The following RNF19A variants were observed in gnomAD, a reference collection of about 807,000 sequenced individuals.
The protein encoded by RNF19A is E3 ubiquitin-protein ligase RNF19A.
Under a neutral mutation model 75.7 loss-of-function variants are expected in RNF19A, and 32 were observed. The observed-to-expected ratio is 0.42, with a 90% confidence interval of 0.32 to 0.57. The LOEUF (loss-of-function observed/expected upper bound fraction) is 0.57. RNF19A is among the 20% of genes least tolerant of loss of function. The pLI is 0.10. For missense variants in RNF19A, 782 were observed against 1,036.3 expected (o/e 0.75, Z 3.37); for synonymous variants, 335 against 345.2 (o/e 0.97, Z 0.33).
At chr8:100,301,470 TCA>T (rs1239088482) in intron 1 of RNF19A, among the ~76,000 whole-genome samples, 1 of 152,200 alleles carries the variant, frequency 6.6e-6, no homozygotes, top group Non-Finnish European at 1.5e-5. Context: ...CAGTGCAACC[TCA>T]GTTTCTCACT....
intron 1 of RNF19A, chr8:100,309,433 C>T (rs1002927809): frequency 2.0e-6 from 2 of 985,428 alleles, no homozygotes; most frequent in Non-Finnish European, 1.2e-6. Flanking sequence ...GAATGCGTTC[C>T]GCCCCCGCCG....
At chr8:100,310,013 G>A, upstream of RNF19A, 1 of 985,042 alleles carries the variant, frequency 1.0e-6, no homozygotes. Context: ...ACGACGGAGG[G>A]GAGGAGTCCC....
chr8:100,273,545 C>T (rs1427252652), intron 3 of RNF19A, among the ~76,000 whole-genome samples: 2 of 152,116 alleles, frequency 1.3e-5, no homozygotes, highest in Non-Finnish European at 2.9e-5. Flanking sequence ...ATGGTGACTA[C>T]GTTGAGGAAG....
At position 100,264,104 on chromosome 8, in the gene RNF19A, A is replaced by G; in HGVS notation, c.1398T>C (p.Asn466=). 6.2e-7 allele frequency: 1 copy of G among 1,613,844 alleles called. No homozygotes were observed. Among genetic ancestry groups the G allele is most frequent in the Non-Finnish European group, 8.5e-7 (1 of 1,179,822 alleles). The change falls in exon 7 of 10, where the codon AAT becomes AAC. Residue 466 remains asparagine, a synonymous_variant. Coordinates refer to ENST00000341084, the MANE Select transcript of RNF19A (RefSeq NM_183419.4). The surrounding 1 kb of genome is among the most constrained non-coding windows in gnomAD (Gnocchi z 4.7). The stretch of plus-strand genomic sequence containing the variant: ...CAAATTCAATCCTAACTCCTTTTCC[A>G]TTGCCTGCTGAGACTCCACAACCTC... ...RSGGCGVSAG[N]GKGVRIEFDD... is the part of the protein sequence containing the mutation.
At chr8:100,266,625 C>T (rs1319997653) in intron 5 of RNF19A, among the ~76,000 whole-genome samples, 2 of 152,172 alleles carry the variant, frequency 1.3e-5, no homozygotes, top group Non-Finnish European at 2.9e-5. Flanking sequence ...ATCCTCCCAT[C>T]CCAGCTTCCT....
intron 1 of RNF19A, chr8:100,309,451 G>A (rs1822201340): frequency 3.0e-6 from 3 of 985,348 alleles, no homozygotes; most frequent in Non-Finnish European, 3.6e-6. Context: ...CCGCCTCCCC[G>A]CGGCAACCGC....
intron 1 of RNF19A, among the ~76,000 whole-genome samples, chr8:100,319,528 CTTTT>C (rs774604135): frequency 8.2e-6 from 1 of 121,984 alleles, no homozygotes; most frequent in Admixed American, 8.5e-5. Context: ...ATCTGGTTCA[CTTTT>C]TTTTTTTTTT....
intron 1 of RNF19A, among the ~76,000 whole-genome samples, chr8:100,298,316 AC>A (rs1233607773): frequency 6.6e-6 from 1 of 152,162 alleles, no homozygotes; most frequent in East Asian, 1.9e-4. Context: ...ATTAAAGTAC[AC>A]GAATTTCTCA....
chr8:100,305,319 C>T (rs1209181182), intron 1 of RNF19A, among the ~76,000 whole-genome samples: 1 of 152,148 alleles, frequency 6.6e-6, no homozygotes, highest in Admixed American at 6.5e-5. Context: ...AACTCCAATT[C>T]GAAGGTGTAT....
In RNF19A at chr8:100,331,364, G is replaced by A. The variant is rs1822608010; in HGVS notation, c.-243+4744C>T. ...AGAAAAACAGATATAGGCCAGGTAT[G>A]GTGGCTCATGCCTGTAATCCCAGTA... On this transcript the variant is annotated intron_variant, in intron 1 of 3. Transcript: ENST00000519527. The surrounding 1 kb of genome is among the most constrained non-coding windows in gnomAD (Gnocchi z 5.2). Among the ~76,000 whole-genome samples, 1 of 152,162 alleles carries A rather than the reference G, an allele frequency of 6.6e-6. No individual in the cohort carries two copies. The highest frequency in any genetic ancestry group is 2.4e-5 in the African/African-American group (1 of 41,424).
intron 1 of RNF19A, among the ~76,000 whole-genome samples, chr8:100,293,041 T>C (rs926848102): frequency 3.9e-5 from 6 of 152,196 alleles, no homozygotes; most frequent in African/African-American, 1.4e-4. Context: ...GAGTGTGCCA[T>C]CTAGATCCCT....
At chr8:100,283,383 T>G (rs1448501385) in intron 2 of RNF19A, among the ~76,000 whole-genome samples, 2 of 152,138 alleles carry the variant, frequency 1.3e-5, no homozygotes, top group African/African-American at 4.8e-5. Context: ...CTCCCCCAAT[T>G]TTTCTCCCTA....
chr8:100,309,183 G>A (rs956097279), intron 1 of RNF19A: 11 of 382,126 alleles, frequency 2.9e-5, no homozygotes, highest in African/African-American at 1.3e-4. Context: ...GGCTTAGCAC[G>A]GGGAGACAAT....
intron 1 of RNF19A, among the ~76,000 whole-genome samples, chr8:100,290,234 C>A (rs1208624950): frequency 6.6e-6 from 1 of 152,134 alleles, no homozygotes; most frequent in African/African-American, 2.4e-5. Flanking sequence ...CCTGCCTCAG[C>A]TGGGATTACA....
rs1054953320 is a variant in RNF19A, at chr8:100,324,744, A to C, written c.-243+11364T>G. Among the ~76,000 whole-genome samples, 1 of 152,170 alleles carries C rather than the reference A, an allele frequency of 6.6e-6. No homozygotes were observed. The highest frequency in any genetic ancestry group is 2.4e-5 in the African/African-American group (1 of 41,440). Reference sequence around the variant, plus strand: ...CAGAACTTCATGACAAGACATTTTAACAAGAGATGATAGGAAAATTGATTA... The same window carrying C: ...CAGAACTTCATGACAAGACATTTTACCAAGAGATGATAGGAAAATTGATTA... On this transcript the variant is annotated intron_variant, in intron 1 of 3. Transcript: ENST00000519527. The surrounding 1 kb of genome is among the most constrained non-coding windows in gnomAD (Gnocchi z 4.2).
chr8:100,309,702 C>T (rs891455602), intron 1 of RNF19A, among the ~76,000 whole-genome samples, 165 bp downstream of exon 1: 2 of 152,210 alleles, frequency 1.3e-5, no homozygotes, highest in Non-Finnish European at 2.9e-5. Flanking sequence ...CGAGCCCACG[C>T]TGGACACTGG....
intron 1 of RNF19A, among the ~76,000 whole-genome samples, chr8:100,293,696 GTC>G (rs1218318352): frequency 2.6e-5 from 4 of 152,010 alleles, no homozygotes; most frequent in South Asian, 2.1e-4. Context: ...TTACCACACT[GTC>G]TCTCTCTCTC....
Position 100,264,422 on chromosome 8 carries a change from CTT to C in RNF19A, c.1307-229_1307-228del. On this transcript the variant is annotated intron_variant, in intron 6 of 9. Transcript: ENST00000341084. The surrounding 1 kb of genome is among the most constrained non-coding windows in gnomAD (Gnocchi z 4.7). Reference sequence around the variant, plus strand: ...AAGGGGAAAAAGAGAGAGATGCAAACTTTTTTCTTTTGAAGTGCCAGGCCTCC... The same window carrying C: ...AAGGGGAAAAAGAGAGAGATGCAAACTTTTCTTTTGAAGTGCCAGGCCTCC... 1 of 574,732 alleles carries C rather than the reference CTT, an allele frequency of 1.7e-6. No homozygotes were observed. The highest frequency in any genetic ancestry group is 2.8e-5 in the East Asian group (1 of 35,200). The allele number at this position is 574,732 out of a possible 1,614,324, so 35.6% of individuals were successfully genotyped here. A position where few individuals can be genotyped will look rare whatever the true frequency, so the allele number is the denominator to read the frequency against.
rs183541152 is a variant in RNF19A, at chr8:100,284,050, G to A, written c.674+3451C>T. Among the ~76,000 whole-genome samples the A allele has an allele frequency of 6.6e-6, 1 of 151,546 alleles. No homozygotes were observed. The highest frequency in any genetic ancestry group is 2.4e-5 in the African/African-American group (1 of 41,312). On this transcript the variant is annotated intron_variant, in intron 2 of 9. Transcript: ENST00000341084. The surrounding 1 kb of genome is among the most constrained non-coding windows in gnomAD (Gnocchi z 4.3). Reference sequence around the variant, plus strand: ...ATAAACCTCCAGTTCCTGGTACATAGGTGCATTAAATATTTGAATGATTAT... The same window carrying A: ...ATAAACCTCCAGTTCCTGGTACATAAGTGCATTAAATATTTGAATGATTAT...
Sources: gnomAD v4.1 joint callset for allele counts (sites outside exome capture counted in the v4.1 genomes callset) on GRCh38, gnomAD v4.1.1 for gene constraint, Gnocchi (gnomAD v3.1) non-coding constraint, MANE v1.5 for transcripts, NCBI Gene and HGNC (gene_info 2026-07-23, HGNC 2026-07-21) for gene names.